The following BICD1 variants were observed in gnomAD, a reference collection of about 807,000 sequenced individuals.
The protein encoded by BICD1 is BICD cargo adaptor 1.
Under a neutral mutation model 92.5 loss-of-function variants are expected in BICD1, and 35 were observed. That is an observed-to-expected ratio of 0.38 (90% CI 0.29 to 0.50). The LOEUF (loss-of-function observed/expected upper bound fraction) is 0.50. BICD1 is among the 20% of genes least tolerant of loss of function. The pLI is 0.93. For synonymous variants in BICD1, 429 were observed against 465.1 expected, an observed-to-expected ratio of 0.92 and a Z score of 1.00; for missense variants, 950 against 1,189.8, an observed-to-expected ratio of 0.80 and a Z score of 2.97.
At chr12:32,115,275 T>C (rs143914805) in intron 1 of BICD1, among the ~76,000 whole-genome samples, 14 of 152,318 alleles carry the variant, frequency 9.2e-5, no homozygotes, top group African/African-American at 3.1e-4. Flanking sequence ...AGTTTTCCCT[T>C]CTTCTCCCAC....
At chr12:32,244,991 G>T (rs985664360) in intron 2 of BICD1, among the ~76,000 whole-genome samples, 1 of 152,036 alleles carries the variant, frequency 6.6e-6, no homozygotes, top group Non-Finnish European at 1.5e-5. Flanking sequence ...TTAAAATATA[G>T]ACTCTGAAGA....
chr12:32,316,135 CAAAAAAAAA>C (rs79211021), intron 4 of BICD1, among the ~76,000 whole-genome samples: 1 of 144,246 alleles, frequency 6.9e-6, no homozygotes, highest in Non-Finnish European at 1.5e-5. Context: ...GACCCTGTCT[CAAAAAAAAA>C]AAAAAAAAAG....
intron 3 of BICD1, among the ~76,000 whole-genome samples, chr12:32,303,093 C>T (rs1002810139): frequency 1.3e-5 from 2 of 151,898 alleles, no homozygotes; most frequent in African/African-American, 4.8e-5. Flanking sequence ...CGCCACCACA[C>T]CTGGCTAATT....
At chr12:32,264,810 C>T (rs923535411) in intron 2 of BICD1, among the ~76,000 whole-genome samples, 1 of 151,960 alleles carries the variant, frequency 6.6e-6, no homozygotes, top group Non-Finnish European at 1.5e-5. Flanking sequence ...TTTAAGATGT[C>T]AGAGCAAAAA....
intron 1 of BICD1, among the ~76,000 whole-genome samples, chr12:32,116,510 C>CTCTATA (rs1233964108): frequency 8.7e-4 from 91 of 104,358 alleles, no homozygotes; most frequent in Middle Eastern, 5.2e-3. Flanking sequence ...CTCTCTCTCT[C>CTCTATA]TATATATATA....
chr12:32,338,652 G>T, intron 7 of BICD1, 134 bp from the exon 8 acceptor site: 2 of 710,830 alleles, frequency 2.8e-6, no homozygotes, highest in African/African-American at 2.1e-5. Context: ...AAAAAAAAAA[G>T]CAAAAAGATT....
At chr12:32,338,536 T>A in intron 7 of BICD1, 2 of 357,768 alleles carry the variant, frequency 5.6e-6, no homozygotes, top group South Asian at 6.3e-5. Flanking sequence ...AAGACTCAAA[T>A]AATATATTTT....
chr12:32,363,444 TATC>T (rs1311484644), intron 8 of BICD1, among the ~76,000 whole-genome samples: 1 of 152,256 alleles, frequency 6.6e-6, no homozygotes, highest in African/African-American at 2.4e-5. Context: ...CCTGTGGCCT[TATC>T]ATATAAACGT....
chr12:32,204,896 C>T (rs765721957), intron 1 of BICD1, among the ~76,000 whole-genome samples: 1 of 152,206 alleles, frequency 6.6e-6, no homozygotes, highest in Non-Finnish European at 1.5e-5. Flanking sequence ...TGTTACCCCA[C>T]GCATCATCCC....
At chr12:32,198,752 C>T (rs1377126675) in intron 1 of BICD1, among the ~76,000 whole-genome samples, 1 of 152,042 alleles carries the variant, frequency 6.6e-6, no homozygotes, top group South Asian at 2.1e-4. Context: ...AAGCTCCTTC[C>T]ACATCCTTCT....
chr12:32,289,543 A>G (rs2728705), intron 2 of BICD1, among the ~76,000 whole-genome samples: 96,783 of 152,068 alleles, frequency 0.64, 31,492 homozygotes, highest in Middle Eastern at 0.78. Context: ...GTGCCACCAC[A>G]CCCAGCTAAT....
chr12:32,351,087 C>T (rs933837232), intron 8 of BICD1, among the ~76,000 whole-genome samples: 9 of 151,306 alleles, frequency 5.9e-5, no homozygotes, highest in African/African-American at 9.7e-5. Flanking sequence ...CTTCTGGAGC[C>T]GGCCCTCTTG....
intron 1 of BICD1, among the ~76,000 whole-genome samples, chr12:32,153,938 A>G (rs1943363680): frequency 6.6e-6 from 1 of 152,124 alleles, no homozygotes; most frequent in African/African-American, 2.4e-5. Flanking sequence ...TGGTCTGGTC[A>G]CCATCACTGA....
intron 2 of BICD1, among the ~76,000 whole-genome samples, chr12:32,280,946 G>C (rs1040399984): frequency 7.2e-5 from 11 of 152,152 alleles, no homozygotes; most frequent in African/African-American, 2.7e-4. Flanking sequence ...TTTAGCGAAT[G>C]GTGCATACCA....
In BICD1 at chr12:32,337,341, G is replaced by A. The variant is rs2388989; in HGVS notation, c.2253-158G>A. The stretch of plus-strand genomic sequence containing the variant: ...ATTGTATGGATGAACATATATTCCA[G>A]TTTTCTGCTATTGTGGGTTATCTAC... On this transcript the variant is annotated intron_variant, in intron 6 of 9. Transcript: ENST00000652176. The surrounding 1 kb of genome is among the most constrained non-coding windows in gnomAD (Gnocchi z 4.7). Among the ~76,000 whole-genome samples, 37,563 of 152,110 alleles carry A rather than the reference G, an allele frequency of 0.25. 5,095 individuals are homozygous for A. The highest frequency in any genetic ancestry group is 0.6 in the East Asian group (3,102 of 5,174).
intron 2 of BICD1, among the ~76,000 whole-genome samples, chr12:32,220,946 G>A (rs1476614955): frequency 6.7e-6 from 1 of 149,010 alleles, no homozygotes; most frequent in Non-Finnish European, 1.5e-5. Context: ...CCTTTGTAGG[G>A]ACATGGATGA....
intron 2 of BICD1, among the ~76,000 whole-genome samples, chr12:32,240,749 T>G (rs964443326): frequency 6.6e-6 from 1 of 151,690 alleles, no homozygotes; most frequent in Non-Finnish European, 1.5e-5. Flanking sequence ...CCCTTAAAAA[T>G]GCATGTTCTA....
chr12:32,114,769 C>T (rs1024665340), intron 1 of BICD1, among the ~76,000 whole-genome samples: 1 of 152,006 alleles, frequency 6.6e-6, no homozygotes, highest in African/African-American at 2.4e-5. Flanking sequence ...ATGTTTTCAC[C>T]AGTTAGTTTG....
chr12:32,373,737 A>C (rs2136340607), intron 9 of BICD1, among the ~76,000 whole-genome samples: 1 of 151,720 alleles, frequency 6.6e-6, no homozygotes, highest in South Asian at 2.1e-4. Flanking sequence ...AAAATTAGCC[A>C]GGTGTTGTGG....
Sources: gnomAD v4.1 joint callset for allele counts (sites outside exome capture counted in the v4.1 genomes callset) on GRCh38, gnomAD v4.1.1 for gene constraint, Gnocchi (gnomAD v3.1) non-coding constraint, MANE v1.5 for transcripts, NCBI Gene and HGNC (gene_info 2026-07-23, HGNC 2026-07-21) for gene names.